PALLD: variants seen among roughly 807,000 people sequenced by gnomAD.
The protein encoded by PALLD is palladin, cytoskeletal associated protein.
A neutral mutation model predicts 123.5 loss-of-function variants in PALLD; 61 were observed. The ratio of observed to expected loss-of-function variants is 0.49; its 90% CI spans 0.40 to 0.61. PALLD has a LOEUF of 0.61. Among genes scored for constraint, PALLD ranks in the 20% least tolerant of loss-of-function variants. PALLD has a pLI of 0.00. For synonymous variants in PALLD, 465 were observed against 496.4 expected, an observed-to-expected ratio of 0.94 and a Z score of 0.84; for missense variants, 1,273 against 1,377.0, an observed-to-expected ratio of 0.92 and a Z score of 1.20.
chr4:168,815,199 G>T (rs1741733203), intron 10 of PALLD, among the ~76,000 whole-genome samples: 1 of 152,214 alleles, frequency 6.6e-6, no homozygotes, highest in Non-Finnish European at 1.5e-5. Flanking sequence ...ACATATGCTT[G>T]TGACTGTTTC....
intron 17 of PALLD, among the ~76,000 whole-genome samples, chr4:168,916,700 G>A (rs201487462): frequency 4.9e-5 from 2 of 40,730 alleles, no homozygotes; most frequent in African/African-American, 9.1e-5. Flanking sequence ...TTTTTTTTTT[G>A]AGACAGAGTC....
chr4:168,544,034 T>C (rs939025069), intron 2 of PALLD, among the ~76,000 whole-genome samples: 1 of 152,274 alleles, frequency 6.6e-6, no homozygotes, highest in African/African-American at 2.4e-5. Flanking sequence ...GCCTGAATAC[T>C]GAAAACAAAT....
At chr4:168,781,398 G>A (rs964299942) in intron 10 of PALLD, among the ~76,000 whole-genome samples, 2 of 152,238 alleles carry the variant, frequency 1.3e-5, no homozygotes, top group Non-Finnish European at 2.9e-5. Context: ...GCCAGCAGCT[G>A]GAGAACCACC....
intron 10 of PALLD, among the ~76,000 whole-genome samples, chr4:168,816,817 CGTGTGTGTGTGTGTGTGTGTGTGTGTGT>C (rs61010592): frequency 2.1e-4 from 23 of 110,938 alleles, no homozygotes; most frequent in East Asian, 8.0e-4. Flanking sequence ...GAGCTAGCCC[CGTGTGTGTGTGTGTGTGTGTGTGTGTGT>C]GTGTGTGTGT....
chr4:168,564,072 T>C (rs1216931686), intron 2 of PALLD, among the ~76,000 whole-genome samples: 1 of 152,204 alleles, frequency 6.6e-6, no homozygotes, highest in East Asian at 1.9e-4. Context: ...CTCTCTGGGC[T>C]TCATTAGGAT....
intron 10 of PALLD, among the ~76,000 whole-genome samples, chr4:168,879,121 C>A (rs980627067): frequency 2.0e-5 from 3 of 152,062 alleles, no homozygotes; most frequent in Non-Finnish European, 2.9e-5. Context: ...TTGTCCCTGG[C>A]CTGTGACCTC....
At chr4:168,656,577 G>A (rs899150511) in intron 2 of PALLD, among the ~76,000 whole-genome samples, 1 of 152,050 alleles carries the variant, frequency 6.6e-6, no homozygotes, top group Non-Finnish European at 1.5e-5. Flanking sequence ...GCTGTAAGTA[G>A]GACAACTGCC....
chr4:168,624,868 A>G (rs572582220), intron 2 of PALLD, among the ~76,000 whole-genome samples: 45 of 152,292 alleles, frequency 3.0e-4, no homozygotes, highest in African/African-American at 1.1e-3. Flanking sequence ...TCCAAGACAC[A>G]TATGAAAAAT....
chr4:168,885,615 C>T lies in PALLD; in HGVS notation c.1965-5307C>T, dbSNP rs575729496. ...GCTAAGATTGGCATGTCTCCAGCCA[C>T]GTACATTTGCAAAAAGTCAGATTTG... is the stretch of plus-strand genomic sequence containing the variant. On this transcript the variant is annotated intron_variant, in intron 10 of 21. Coordinates refer to ENST00000505667, the MANE Select transcript of PALLD (RefSeq NM_001166108.2). Among the ~76,000 whole-genome samples, 4 of 152,312 alleles carry T rather than the reference C, an allele frequency of 2.6e-5. 1 individual carries two copies. The South Asian group carries it at 6.2e-4, about 24-fold the overall frequency.
chr4:168,820,231 G>A (rs956594770), intron 10 of PALLD, among the ~76,000 whole-genome samples: 17 of 152,346 alleles, frequency 1.1e-4, no homozygotes, highest in East Asian at 9.6e-4. Context: ...CATGTGCGCC[G>A]TGCCAAATGC....
chr4:168,615,138 C>T (rs577533359), intron 2 of PALLD, among the ~76,000 whole-genome samples: 4 of 148,162 alleles, frequency 2.7e-5, no homozygotes, highest in East Asian at 4.0e-4. Context: ...CTTTTGCCCT[C>T]GTTCCTGGGA....
rs943086754 is a variant in PALLD at position 168,824,776 on chromosome 4, G to A, written c.1965-66146G>A. ...GGCAATATCAATATTATTGTCAATT[G>A]TTTTAACTGTCAATTATATAAACTA... On this transcript the variant is annotated intron_variant, in intron 10 of 21. Coordinates refer to ENST00000505667, the MANE Select transcript of PALLD (RefSeq NM_001166108.2). Among the ~76,000 whole-genome samples, 3 of 132,194 alleles carry A rather than the reference G, an allele frequency of 2.3e-5. No individual in the cohort carries two copies. In the Admixed American group the frequency reaches 2.3e-4, roughly 10 times the overall value. The allele number at this position is 132,194 out of a possible 152,430, so 86.7% of individuals were successfully genotyped here.
chr4:168,833,002 G>A (rs991015848), intron 10 of PALLD: 2 of 152,242 alleles, frequency 1.3e-5, no homozygotes, highest in Non-Finnish European at 2.9e-5. Flanking sequence ...AGGGTCCCGT[G>A]AGCAGCCAGG....
At chr4:168,798,372 A>C (rs1181946134) in intron 10 of PALLD, among the ~76,000 whole-genome samples, 1 of 152,230 alleles carries the variant, frequency 6.6e-6, no homozygotes, top group Admixed American at 6.5e-5. Flanking sequence ...AGTTGGTTTC[A>C]AACTTAAAAA....
At chr4:168,706,321 CA>C (rs1784227829) in intron 8 of PALLD, among the ~76,000 whole-genome samples, 3 of 152,114 alleles carry the variant, frequency 2.0e-5, no homozygotes, top group Admixed American at 6.5e-5. Context: ...ATGTAGAACA[CA>C]AAATTAATAA....
intron 15 of PALLD, among the ~76,000 whole-genome samples, chr4:168,909,766 T>C (rs931391151): frequency 2.6e-5 from 4 of 152,212 alleles, no homozygotes; most frequent in Admixed American, 2.6e-4. Context: ...TAATTCTATA[T>C]GACCTTTGTC....
intron 2 of PALLD, among the ~76,000 whole-genome samples, chr4:168,608,204 A>G (rs1773378642): frequency 6.6e-6 from 1 of 152,222 alleles, no homozygotes. Context: ...ATGCTTGAGC[A>G]GATAAATAGG....
At position 168,683,097 on chromosome 4, in the gene PALLD, G is replaced by A. The variant is rs776232224; in HGVS notation, c.1254G>A (p.Val418=). The A allele has an allele frequency of 1.9e-6, 3 of 1,589,356 alleles. No homozygotes were observed. In the African/African-American group the frequency reaches 4.0e-5, roughly 21 times the overall value. Residue 418 remains valine, a synonymous_variant, in exon 5 of 22, where the codon GTG becomes GTA. Coordinates refer to ENST00000505667, the MANE Select transcript of PALLD (RefSeq NM_001166108.2). ...TGATTCAACCACTGTCTGTCCCTGT[G>A]CAACAGGTAAGTATGCTTTGAGCCA... The part of the protein sequence containing the change: ...TAVIQPLSVP[V]QQVHSPTSYL...
intron 10 of PALLD, among the ~76,000 whole-genome samples, chr4:168,719,252 C>CTTTTTTTT (rs869040811): frequency 3.5e-5 from 3 of 85,698 alleles, no homozygotes; most frequent in South Asian, 1.0e-3. Context: ...AAGTAATCTT[C>CTTTTTTTT]TTTTTTTTTT....
Sources: allele counts gnomAD v4.1 joint callset (sites outside exome capture counted in the v4.1 genomes callset), GRCh38; gene constraint gnomAD v4.1.1; transcripts MANE v1.5; gene names NCBI Gene and HGNC (gene_info 2026-07-23, HGNC 2026-07-21).